ATPAF1: variants seen among roughly 807,000 people sequenced by gnomAD.
ATPAF1 encodes the protein homolog of yeast ATP11.
ATPAF1 carries 26 observed loss-of-function variants against 43.9 expected under a neutral mutation model. The ratio of observed to expected loss-of-function variants is 0.59; its 90% CI spans 0.43 to 0.82. The LOEUF is 0.82. Among genes scored for constraint, ATPAF1 ranks in the 40% least tolerant of loss-of-function variants. The pLI is 0.00. For synonymous variants in ATPAF1, 157 were observed against 168.0 expected (o/e 0.93, Z 0.50); for missense variants, 366 against 435.0 (o/e 0.84, Z 1.41).
At chr1:46,644,201 T>A (rs1254843589) in intron 7 of ATPAF1, among the ~76,000 whole-genome samples, 1 of 152,170 alleles carries the variant, frequency 6.6e-6, no homozygotes, top group African/African-American at 2.4e-5. Flanking sequence ...GTCTCACAGA[T>A]CTCCAAGTCT....
At chr1:46,658,866 AAT>A (rs1676329220) in intron 2 of ATPAF1, 129 bp from the exon 3 acceptor site, 1 of 542,290 alleles carries the variant, frequency 1.8e-6, no homozygotes, top group African/African-American at 2.0e-5. Flanking sequence ...CACTTTTTAT[AAT>A]AATTGTTCTA....
chr1:46,659,135 G>A (rs778973267), intron 2 of ATPAF1, among the ~76,000 whole-genome samples: 8 of 152,062 alleles, frequency 5.3e-5, no homozygotes, highest in African/African-American at 1.7e-4. Flanking sequence ...AGGATGCAGT[G>A]AGCCGAGATC....
chr1:46,654,802 G>A (rs1301893416), intron 4 of ATPAF1, among the ~76,000 whole-genome samples: 2 of 151,858 alleles, frequency 1.3e-5, no homozygotes, highest in African/African-American at 4.8e-5. Context: ...TTGGTTTTCT[G>A]TCCTTGTGAT....
At chr1:46,636,020 G>A (rs1243777166) in intron 8 of ATPAF1, 50 bp from the exon 9 acceptor site, 1 of 1,591,912 alleles carries the variant, frequency 6.3e-7, no homozygotes, top group Admixed American at 1.7e-5. Flanking sequence ...GGGCCACAAA[G>A]CTCTTGTCTG....
intron 6 of ATPAF1, among the ~76,000 whole-genome samples, chr1:46,648,768 A>G (rs1676104768): frequency 6.6e-6 from 1 of 152,074 alleles, no homozygotes; most frequent in Non-Finnish European, 1.5e-5. Context: ...ACTTGAGGTC[A>G]GGAGTTTTGA....
downstream of ATPAF1, chr1:46,634,608 C>G (rs912171035): frequency 6.6e-6 from 1 of 152,274 alleles, no homozygotes; most frequent in Non-Finnish European, 1.5e-5. Context: ...CAGAGCAAGA[C>G]TTCATCTCAG....
Position 46,653,953 on chromosome 1 carries a change from G to A in ATPAF1, c.490-86C>T. 1 of 1,254,900 alleles carries A rather than the reference G, an allele frequency of 8.0e-7. No homozygotes were observed. The highest frequency in any genetic ancestry group is 1.9e-4 in the Middle Eastern group (1 of 5,324). 77.7% of individuals were successfully genotyped at this position (1,254,900 alleles called of 1,614,324 possible). A position where few individuals can be genotyped will look rare whatever the true frequency, so the allele number is the denominator to read the frequency against. On this transcript the variant is annotated intron_variant, in intron 4 of 8. Transcript: ENST00000574428. This position sits in a 1 kb window ranked among gnomAD's most constrained non-coding sequence, Gnocchi z 4.8. ...AAATGGTGACAGTTTTCATTGCTCA[G>A]AGGAATATGCTATTTGATAACAGAG...
At chr1:46,635,750 T>A in exon 9 of ATPAF1, 2 of 1,594,878 alleles carry the variant, frequency 1.3e-6, no homozygotes, top group Middle Eastern at 1.8e-4. Flanking sequence ...CTGAGTCAAC[T>A]AGGTGAAGGG....
intron 2 of ATPAF1, chr1:46,663,910 T>C (rs1676443939): frequency 1.6e-6 from 2 of 1,284,898 alleles, no homozygotes; most frequent in African/African-American, 3.0e-5. Flanking sequence ...CACCAGTTTG[T>C]TCTGTGCACC....
At chr1:46,665,816 G>C in intron 1 of ATPAF1, 1 of 1,445,364 alleles carries the variant, frequency 6.9e-7, no homozygotes, top group Non-Finnish European at 9.0e-7. Context: ...TGGTGATTCA[G>C]AGGCTTTAGG....
At chr1:46,647,575 A>G (rs528931358) in intron 6 of ATPAF1, among the ~76,000 whole-genome samples, 1 of 152,224 alleles carries the variant, frequency 6.6e-6, no homozygotes, top group Admixed American at 6.5e-5. Context: ...AGACATTTGC[A>G]TTGTTTCCAG....
At chr1:46,661,125 T>C (rs1569634377) in intron 2 of ATPAF1, among the ~76,000 whole-genome samples, 1 of 151,084 alleles carries the variant, frequency 6.6e-6, no homozygotes, top group Non-Finnish European at 1.5e-5. Flanking sequence ...CACGCTGGAG[T>C]GCAGTGGCAC....
chr1:46,652,764 A>G, intron 5 of ATPAF1, 136 bp from the exon 6 acceptor site: 1 of 773,934 alleles, frequency 1.3e-6, no homozygotes, highest in South Asian at 1.8e-5. Context: ...TCATTTTCAA[A>G]TCACTCTTAT....
chr1:46,668,104 G>C lies in ATPAF1; in HGVS notation c.219C>G (p.Ala73=). 1 of 1,449,456 alleles carries C rather than the reference G, an allele frequency of 6.9e-7. No individual in the cohort carries two copies. The highest frequency in any genetic ancestry group is 9.1e-7 in the Non-Finnish European group (1 of 1,098,742). The allele number at this position is 1,449,456 out of a possible 1,614,324, so 89.8% of individuals were successfully genotyped here. The change falls in exon 1 of 9, where the codon GCC becomes GCG. Residue 73 remains alanine, a synonymous_variant. Coordinates refer to ENST00000574428, the Ensembl canonical transcript of ATPAF1. The surrounding 1 kb of genome is among the most constrained non-coding windows in gnomAD (Gnocchi z 4.4). ...CGCGGTAGCGGTCGTAGAAAGGGTT[G>C]GCCTGGAGCTCGGCCTCGGCCCCGA...
In ATPAF1 at chr1:46,657,951, G is replaced by A. The variant is rs528812661; in HGVS notation, c.489+176C>T. Among the ~76,000 whole-genome samples, 3 of 152,290 alleles carry A rather than the reference G, an allele frequency of 2.0e-5. No homozygotes were observed. The South Asian group carries it at 6.2e-4, about 32-fold the overall frequency. ...ACATACAAGTTGATTAGACATATAA[G>A]AGTGACAAAGAAGACAAGTTTTCTT... On this transcript the variant is annotated intron_variant, in intron 4 of 8. Coordinates refer to ENST00000574428, the Ensembl canonical transcript of ATPAF1.
chr1:46,635,604 C>T (rs1569584825), exon 9 of ATPAF1: 1 of 601,414 alleles, frequency 1.7e-6, no homozygotes, highest in East Asian at 2.7e-5. Flanking sequence ...TACCTTTGTT[C>T]CTGAATATCA....
Position 46,646,435 on chromosome 1 carries a change from C to CTGATA in ATPAF1, c.589-1184_589-1180dup, listed in dbSNP as rs568043350. Among the ~76,000 whole-genome samples the CTGATA allele has an allele frequency of 8.5e-3, 1,300 of 152,306 alleles. 24 individuals carry two copies. Among genetic ancestry groups the CTGATA allele is most frequent in the African/African-American group, 0.03 (1,231 of 41,576 alleles). On this transcript the variant is annotated intron_variant, in intron 6 of 8. Transcript: ENST00000574428. ...TTACTTCACATTCTATCAGATAAGG[C>CTGATA]TGATATTGGAGCATGGCTCCAGACT...
chr1:46,643,027 CA>C (rs1264990599), intron 8 of ATPAF1, among the ~76,000 whole-genome samples, 166 bp downstream of exon 8: 1 of 152,174 alleles, frequency 6.6e-6, no homozygotes, highest in Non-Finnish European at 1.5e-5. Context: ...GTACTAACTT[CA>C]AATTGGAAGA....
chr1:46,633,970 A>G (rs1334805881), downstream of ATPAF1: 7 of 393,972 alleles, frequency 1.8e-5, no homozygotes, highest in African/African-American at 1.5e-4. Context: ...GTTTCTCAAA[A>G]GATAAACTGC....
Sources: allele counts gnomAD v4.1 joint callset (sites outside exome capture counted in the v4.1 genomes callset), GRCh38; gene constraint gnomAD v4.1.1; non-coding constraint Gnocchi (gnomAD v3.1); transcripts MANE v1.5; gene names NCBI Gene and HGNC (gene_info 2026-07-23, HGNC 2026-07-21).